ADAM2: variants seen among roughly 807,000 people sequenced by gnomAD.
ADAM2 encodes ADAM metallopeptidase domain 2, also known as disintegrin and metalloproteinase domain-containing protein 2.
Under a neutral mutation model 99.3 loss-of-function variants are expected in ADAM2, and 101 were observed. The observed-to-expected ratio is 1.02, with a 90% CI of 0.87 to 1.20. ADAM2 has a LOEUF of 1.20. Ranked by LOEUF, ADAM2 falls within the 50% of genes most tolerant of loss-of-function variation. The pLI, the probability that ADAM2 is intolerant of heterozygous loss-of-function variation, is 0.00. For missense variants in ADAM2, 948 were observed against 878.7 expected, an observed-to-expected ratio of 1.08 and a Z score of -1.00; for synonymous variants, 323 against 287.6, an observed-to-expected ratio of 1.12 and a Z score of -1.25.
intron 11 of ADAM2, among the ~76,000 whole-genome samples, chr8:39,769,923 A>G (rs1395773589): frequency 6.6e-6 from 1 of 150,972 alleles, no homozygotes; most frequent in Middle Eastern, 3.2e-3. Flanking sequence ...TAATAAAGAA[A>G]ACAGGCTTTT....
At chr8:39,784,462 C>A (rs992163250) in intron 10 of ADAM2, among the ~76,000 whole-genome samples, 1 of 152,082 alleles carries the variant, frequency 6.6e-6, no homozygotes, top group African/African-American at 2.4e-5. Flanking sequence ...CTCCCTGTAG[C>A]CTTGAACTCC....
At chr8:39,814,425 C>A (rs1183070265) in intron 6 of ADAM2, among the ~76,000 whole-genome samples, 1 of 150,992 alleles carries the variant, frequency 6.6e-6, no homozygotes, top group African/African-American at 2.4e-5. Flanking sequence ...TAAAAGGAGA[C>A]AAAAGTGCTT....
At chr8:39,815,455 G>A (rs1411312150) in intron 6 of ADAM2, among the ~76,000 whole-genome samples, 1 of 152,108 alleles carries the variant, frequency 6.6e-6, no homozygotes, top group Admixed American at 6.5e-5. Context: ...GTAGGTGGAG[G>A]ATAAAATGAG....
At position 39,824,862 on chromosome 8, in the gene ADAM2, T is replaced by A. The variant is rs1391162583; in HGVS notation, c.224A>T (p.Tyr75Phe). The A allele has an allele frequency of 6.4e-6, 10 of 1,572,552 alleles. No individual in the cohort carries two copies. The South Asian group carries it at 6.9e-5, about 11-fold the overall frequency. ...TGGTTTCATAATTCCTGTGCCACTATAACTGTAAACTCTAAAATTATGGGG... is the reference window on the plus strand; with the variant it reads ...TGGTTTCATAATTCCTGTGCCACTAAAACTGTAAACTCTAAAATTATGGGG... The part of the protein sequence containing the change: ...FLPHNFRVYS[Y>F]SGTGIMKPLD... Residue 75 changes from tyrosine (Y) to phenylalanine (F), a missense_variant, in exon 4 of 21, where the codon TAT becomes TTT. Tyr to Phe is a conservative substitution (Grantham distance 22). Coordinates refer to ENST00000265708, the MANE Select transcript of ADAM2 (RefSeq NM_001464.5).
At chr8:39,774,569 A>C (rs778677845) in intron 11 of ADAM2, 3 of 151,992 alleles carry the variant, frequency 2.0e-5, no homozygotes, top group Non-Finnish European at 2.9e-5. Flanking sequence ...AACAATAAGA[A>C]ACCTATTTCC....
chr8:39,771,549 T>C (rs187212959), intron 11 of ADAM2, among the ~76,000 whole-genome samples: 1 of 152,234 alleles, frequency 6.6e-6, no homozygotes, highest in Non-Finnish European at 1.5e-5. Context: ...GAAGACATTG[T>C]TAATAGGAAT....
chr8:39,776,255 C>T (rs1166809204), intron 11 of ADAM2, among the ~76,000 whole-genome samples: 1 of 152,024 alleles, frequency 6.6e-6, no homozygotes, highest in Non-Finnish European at 1.5e-5. Flanking sequence ...TATTTTAGGA[C>T]AGGTCCCCCA....
At chr8:39,790,020 T>C (rs1803636822) in intron 7 of ADAM2, among the ~76,000 whole-genome samples, 1 of 151,902 alleles carries the variant, frequency 6.6e-6, no homozygotes, top group African/African-American at 2.4e-5. Context: ...ATCACTGTAA[T>C]TCAAAAGACA....
At chr8:39,824,945 T>A in intron 3 of ADAM2, 48 bp from the exon 4 acceptor site, 2 of 833,276 alleles carry the variant, frequency 2.4e-6, no homozygotes, top group Non-Finnish European at 4.0e-6. Flanking sequence ...AACCTTTTGT[T>A]TTGAAACATT....
intron 16 of ADAM2, among the ~76,000 whole-genome samples, chr8:39,751,863 C>T (rs1801961680): frequency 6.6e-6 from 1 of 151,576 alleles, no homozygotes; most frequent in African/African-American, 2.4e-5. Flanking sequence ...GATAGGGTCT[C>T]ACTCTGTTGC....
intron 7 of ADAM2, among the ~76,000 whole-genome samples, chr8:39,792,338 T>G (rs1342729710): frequency 6.6e-6 from 1 of 151,984 alleles, no homozygotes; most frequent in Non-Finnish European, 1.5e-5. Context: ...CACATGAAAA[T>G]AAGCACTCCC....
chr8:39,790,042 GT>G (rs1803637935), intron 7 of ADAM2, among the ~76,000 whole-genome samples: 1 of 151,848 alleles, frequency 6.6e-6, no homozygotes, highest in Non-Finnish European at 1.5e-5. Flanking sequence ...ACATTAACAA[GT>G]GTTGGTGAGG....
chr8:39,752,752 T>C (rs924161872), intron 16 of ADAM2, among the ~76,000 whole-genome samples: 7 of 152,090 alleles, frequency 4.6e-5, no homozygotes, highest in Non-Finnish European at 1.0e-4. Flanking sequence ...GCTGGTCTCC[T>C]GATAGTGAGT....
chr8:39,802,565 C>A (rs1430767233), intron 7 of ADAM2, among the ~76,000 whole-genome samples: 1 of 152,166 alleles, frequency 6.6e-6, no homozygotes, highest in Non-Finnish European at 1.5e-5. Context: ...CTCACATCTG[C>A]AGTTTTCTGC....
intron 7 of ADAM2, among the ~76,000 whole-genome samples, chr8:39,803,587 C>T (rs1219229620): frequency 6.6e-6 from 1 of 152,156 alleles, no homozygotes; most frequent in Non-Finnish European, 1.5e-5. Context: ...GCCTGGAGCT[C>T]CTATTTTGAA....
intron 7 of ADAM2, among the ~76,000 whole-genome samples, chr8:39,801,974 C>G (rs1054838406): frequency 7.9e-5 from 12 of 152,228 alleles, no homozygotes; most frequent in Non-Finnish European, 1.2e-4. Flanking sequence ...TGCCCCTCCC[C>G]CAAGGAGCTC....
At chr8:39,751,362 A>ACTTAATGG (rs1801934597) in intron 16 of ADAM2, among the ~76,000 whole-genome samples, 1 of 152,216 alleles carries the variant, frequency 6.6e-6, no homozygotes, top group Non-Finnish European at 1.5e-5. Context: ...AGTAAACCTA[A>ACTTAATGG]TTTTCAGAAC....
At chr8:39,819,633 G>A (rs113113311) in intron 6 of ADAM2, among the ~76,000 whole-genome samples, 1 of 152,118 alleles carries the variant, frequency 6.6e-6, no homozygotes, top group African/African-American at 2.4e-5. Context: ...GCCGTTTTTA[G>A]AAAACAGAGT....
Position 39,771,182 on chromosome 8 carries a change from C to G in ADAM2, c.1029-1607G>C, listed in dbSNP as rs76209147. Among the ~76,000 whole-genome samples, 1,176 of 152,306 alleles carry G rather than the reference C, an allele frequency of 7.7e-3. 13 individuals are homozygous for G. Among genetic ancestry groups the G allele is most frequent in the African/African-American group, 0.027 (1,126 of 41,574 alleles). ...CCCTCCATCAAATAGTCTACTATTT[C>G]CTCTGCCTGGAAAACTATTCCTTAG... On this transcript the variant is annotated intron_variant, in intron 11 of 20. Coordinates refer to ENST00000265708, the MANE Select transcript of ADAM2 (RefSeq NM_001464.5).
Sources: allele counts gnomAD v4.1 joint callset (sites outside exome capture counted in the v4.1 genomes callset), GRCh38; gene constraint gnomAD v4.1.1; transcripts MANE v1.5; gene names NCBI Gene and HGNC (gene_info 2026-07-23, HGNC 2026-07-21).